CDK5RAP1: variants seen among roughly 807,000 people sequenced by gnomAD.
CDK5RAP1 encodes mitochondrial tRNA methylthiotransferase CDK5RAP1.
Under a neutral mutation model 64.5 loss-of-function variants are expected in CDK5RAP1, and 62 were observed. The ratio of observed to expected loss-of-function variants is 0.96; its 90% CI spans 0.78 to 1.19. The LOEUF (loss-of-function observed/expected upper bound fraction) is 1.19. CDK5RAP1 is among the 50% of genes most tolerant of loss of function. The pLI, the probability that CDK5RAP1 is intolerant of heterozygous loss-of-function variation, is 0.00. For missense variants in CDK5RAP1, 657 were observed against 735.0 expected (o/e 0.89, Z 1.23); for synonymous variants, 250 against 261.9 (o/e 0.95, Z 0.44).
At chr20:33,372,912 ACT>A in intron 9 of CDK5RAP1, 1 of 336,542 alleles carries the variant, frequency 3.0e-6, no homozygotes, top group Non-Finnish European at 5.1e-6. Context: ...AAGGACATAA[ACT>A]TTTTTTTTTT....
At chr20:33,362,288 A>G (rs1263069471) in intron 12 of CDK5RAP1, among the ~76,000 whole-genome samples, 1 of 152,250 alleles carries the variant, frequency 6.6e-6, no homozygotes, top group African/African-American at 2.4e-5. Context: ...AGAAAATGGC[A>G]TAGAGTAAAG....
intron 7 of CDK5RAP1, among the ~76,000 whole-genome samples, chr20:33,381,618 G>A (rs1986759504): frequency 6.6e-6 from 1 of 152,030 alleles, no homozygotes; most frequent in Admixed American, 6.6e-5. Context: ...TAGTAGAGAC[G>A]GGTTTTGCCA....
chr20:33,384,858 C>A (rs1600768675), intron 7 of CDK5RAP1, among the ~76,000 whole-genome samples: 2 of 152,152 alleles, frequency 1.3e-5, no homozygotes, highest in Non-Finnish European at 2.9e-5. Context: ...GCTCTGACCA[C>A]ACCACTGTAC....
Position 33,379,527 on chromosome 20 carries a change from G to C in CDK5RAP1, c.1041C>G (p.Val347=). ...GLRFAHLLDQ[V]SRVDPEMRIR... is the part of the protein sequence containing the mutation. ...TCCTCATTTCAGGATCTACTCTGGA[G>C]ACCTGATCCAGAAGATGAGCAAAAC... The change falls in exon 8 of 14, where the codon GTC becomes GTG. Residue 347 remains valine, a synonymous_variant. Coordinates refer to ENST00000346416, the MANE Select transcript of CDK5RAP1 (RefSeq NM_016408.4). 6.2e-7 allele frequency: 1 copy of C among 1,614,112 alleles called. No individual in the cohort carries two copies.
At chr20:33,394,221 G>T (rs1309588451) in intron 3 of CDK5RAP1, among the ~76,000 whole-genome samples, 155 bp from the exon 4 acceptor site, 2 of 151,018 alleles carry the variant, frequency 1.3e-5, no homozygotes, top group African/African-American at 4.9e-5. Flanking sequence ...GTGCAGTGGG[G>T]CAATCTCAGC....
chr20:33,395,839 C>G (rs1211816145), intron 2 of CDK5RAP1, among the ~76,000 whole-genome samples: 2 of 151,944 alleles, frequency 1.3e-5, no homozygotes, highest in African/African-American at 4.8e-5. Context: ...ATGGTGAAAC[C>G]CAGGTCTCCA....
intron 5 of CDK5RAP1, among the ~76,000 whole-genome samples, chr20:33,390,243 C>T (rs1231944117): frequency 1.3e-5 from 2 of 148,724 alleles, no homozygotes; most frequent in Non-Finnish European, 3.0e-5. Context: ...CACTGCACTC[C>T]AGCCTGGGCG....
intron 11 of CDK5RAP1, among the ~76,000 whole-genome samples, chr20:33,369,622 T>G (rs116904446): frequency 2.9e-4 from 44 of 152,286 alleles, no homozygotes; most frequent in Non-Finnish European, 5.4e-4. Context: ...GCAGTGGCTT[T>G]AAAATGAATT....
chr20:33,366,136 T>C (rs1473933305), intron 12 of CDK5RAP1, among the ~76,000 whole-genome samples: 1 of 151,702 alleles, frequency 6.6e-6, no homozygotes, highest in African/African-American at 2.4e-5. Flanking sequence ...CTGGACAACA[T>C]GGTGAAATCC....
chr20:33,389,159 C>G (rs1987920854), intron 5 of CDK5RAP1, among the ~76,000 whole-genome samples: 1 of 151,810 alleles, frequency 6.6e-6, no homozygotes, highest in African/African-American at 2.4e-5. Flanking sequence ...TCCCGGCCGC[C>G]ATCCCGTCTA....
At chr20:33,381,255 C>G (rs1020656338) in intron 7 of CDK5RAP1, among the ~76,000 whole-genome samples, 1 of 152,078 alleles carries the variant, frequency 6.6e-6, no homozygotes, top group Non-Finnish European at 1.5e-5. Flanking sequence ...TCACAGATAT[C>G]ATACTCTTTT....
chr20:33,364,406 C>T (rs1983508469), intron 12 of CDK5RAP1, among the ~76,000 whole-genome samples: 1 of 151,740 alleles, frequency 6.6e-6, no homozygotes, highest in Admixed American at 6.6e-5. Flanking sequence ...CCAGGCTGGT[C>T]CTGAACTCCT....
intron 12 of CDK5RAP1, among the ~76,000 whole-genome samples, chr20:33,362,799 A>C (rs576632771): frequency 1.3e-5 from 2 of 152,330 alleles, no homozygotes; most frequent in East Asian, 3.9e-4. Context: ...AAGAGAATCC[A>C]AAGGGCACAT....
chr20:33,392,036 G>C, intron 5 of CDK5RAP1, 106 bp downstream of exon 5: 2 of 720,718 alleles, frequency 2.8e-6, no homozygotes, highest in Non-Finnish European at 4.9e-6. Flanking sequence ...GGATATATAA[G>C]ATTTCTTCAG....
chr20:33,380,631 G>A (rs1204014676), intron 7 of CDK5RAP1, among the ~76,000 whole-genome samples: 2 of 152,138 alleles, frequency 1.3e-5, no homozygotes, highest in East Asian at 3.8e-4. Context: ...ATTTATGGGT[G>A]CATGGAGATA....
rs1467049288 is a variant in CDK5RAP1 at position 33,360,398 on chromosome 20, G to A, written c.1636C>T (p.Pro546Ser). ...GGCTGGGCTCTGACCCTGAGCCCAG[G>A]GTTATTGACATCCTCCATCTCTGCA... ...PDAEMEDVNN[P>S]GLRVRAQPGD... Residue 546 changes from proline to serine, a missense_variant, in exon 13 of 14, where the codon CCT (proline) becomes TCT (serine). Transcript: ENST00000346416. 12 of 1,613,938 alleles carry A rather than the reference G, an allele frequency of 7.4e-6. No individual in the cohort carries two copies. The African/African-American group carries it at 1.1e-4, about 14-fold the overall frequency.
intron 5 of CDK5RAP1, 47 bp downstream of exon 5, chr20:33,392,095 T>A: frequency 8.3e-7 from 1 of 1,205,142 alleles, no homozygotes; most frequent in Non-Finnish European, 1.2e-6. Context: ...TAAAGCCACA[T>A]AAAGTCCAAG....
intron 12 of CDK5RAP1, among the ~76,000 whole-genome samples, chr20:33,364,610 T>A (rs936255610): frequency 2.0e-5 from 3 of 152,136 alleles, no homozygotes; most frequent in Non-Finnish European, 4.4e-5. Context: ...GTTTCACTTT[T>A]GTTGCCCAGG....
chr20:33,376,396 T>A (rs1986001442), intron 8 of CDK5RAP1, among the ~76,000 whole-genome samples: 1 of 152,196 alleles, frequency 6.6e-6, no homozygotes, highest in Admixed American at 6.5e-5. Flanking sequence ...GTGTCCAACT[T>A]GTAGGCTCAA....
Sources: allele counts gnomAD v4.1 joint callset (sites outside exome capture counted in the v4.1 genomes callset), GRCh38; gene constraint gnomAD v4.1.1; transcripts MANE v1.5; gene names NCBI Gene and HGNC (gene_info 2026-07-23, HGNC 2026-07-21).